MAML3: variants seen among roughly 807,000 people sequenced by gnomAD.
MAML3 encodes the protein mastermind like transcriptional coactivator 3, also known as mastermind-like protein 3.
Under a neutral mutation model 101.9 loss-of-function variants are expected in MAML3, and 27 were observed. The ratio of observed to expected loss-of-function variants is 0.27; its 90% CI spans 0.20 to 0.37. MAML3 has a LOEUF of 0.37. MAML3 is among the 10% of genes least tolerant of loss of function. The probability of loss-of-function intolerance (pLI) is 1.00; values close to 1 mark genes in which losing one functional copy is unlikely to be tolerated. For missense variants in MAML3, 1,316 were observed against 1,444.9 expected, an observed-to-expected ratio of 0.91 and a Z score of 1.45; for synonymous variants, 501 against 555.9, an observed-to-expected ratio of 0.90 and a Z score of 1.39.
At chr4:139,941,727 G>A (rs1010445262) in intron 1 of MAML3, among the ~76,000 whole-genome samples, 1 of 152,188 alleles carries the variant, frequency 6.6e-6, no homozygotes, top group African/African-American at 2.4e-5. Flanking sequence ...CTTGTTAGGA[G>A]CAAGACAGTG....
Position 140,153,191 on chromosome 4 carries a change from C to T in MAML3, c.137G>A (p.Ser46Asn), listed in dbSNP as rs763882800. 6.4e-7 allele frequency: 1 copy of T among 1,553,850 alleles called. No homozygotes were observed. ...TPNSTPAAPS[S>N]NHPAAGGCGG... The stretch of plus-strand genomic sequence containing the variant: ...GCATCCACCGGCTGCCGGGTGATTG[C>T]TACTCGGAGCAGCGGGAGTACTATT... Residue 46 changes from serine (S) to asparagine (N), a missense_variant, in exon 1 of 5, where the codon AGC (serine) becomes AAC (asparagine). Physicochemically the swap from Ser to Asn is conservative, Grantham distance 46. Transcript: ENST00000509479.
intron 2 of MAML3, among the ~76,000 whole-genome samples, chr4:139,870,423 A>G (rs1313997758): frequency 6.6e-6 from 1 of 152,220 alleles, no homozygotes; most frequent in Non-Finnish European, 1.5e-5. Context: ...GATCAATCCA[A>G]GTTCTAGCAG....
In MAML3 at chr4:140,063,442, G is replaced by A. The variant is rs751355373; in HGVS notation, c.468+89418C>T. Among the ~76,000 whole-genome samples, 3 of 152,176 alleles carry A rather than the reference G, an allele frequency of 2.0e-5. No individual in the cohort carries two copies. In the South Asian group the frequency reaches 6.2e-4, roughly 31 times the overall value. ...CATTCTGTCTGGAAAGCCAAAGCCT[G>A]CCAGTGTCCCTGGTAAGAGAGGTCC... is the stretch of plus-strand genomic sequence containing the variant. On this transcript the variant is annotated intron_variant, in intron 1 of 4. Transcript: ENST00000509479.
At chr4:139,816,876 C>T (rs925834936) in intron 2 of MAML3, among the ~76,000 whole-genome samples, 14 of 152,036 alleles carry the variant, frequency 9.2e-5, no homozygotes, top group African/African-American at 2.7e-4. Context: ...CATAGCCACA[C>T]GGAGGGAATA....
chr4:140,152,032 C>T (rs1729180848), intron 1 of MAML3, among the ~76,000 whole-genome samples: 1 of 152,208 alleles, frequency 6.6e-6, no homozygotes, highest in Admixed American at 6.5e-5. Context: ...GAATCCCAAG[C>T]GAAGTTGTGT....
At chr4:139,760,924 G>C (rs576112511) in intron 2 of MAML3, among the ~76,000 whole-genome samples, 2 of 152,128 alleles carry the variant, frequency 1.3e-5, no homozygotes, top group Admixed American at 6.5e-5. Flanking sequence ...GAGTCAAATT[G>C]CTCTGTTGTT....
At chr4:139,804,620 C>A (rs1730673161) in intron 2 of MAML3, among the ~76,000 whole-genome samples, 1 of 152,094 alleles carries the variant, frequency 6.6e-6, no homozygotes, top group Non-Finnish European at 1.5e-5. Flanking sequence ...ATGGCTTGGG[C>A]TAGTTGATTT....
chr4:139,891,662 C>A (rs558891571), intron 1 of MAML3, among the ~76,000 whole-genome samples: 75 of 152,210 alleles, frequency 4.9e-4, no homozygotes, highest in Non-Finnish European at 8.2e-4. Context: ...TAAATGAGAA[C>A]ATCAAGGAAT....
chr4:140,004,190 T>C (rs1002270168), intron 1 of MAML3, among the ~76,000 whole-genome samples: 1 of 152,228 alleles, frequency 6.6e-6, no homozygotes. Flanking sequence ...CTTTGTCTCA[T>C]ATTAACAATG....
intron 2 of MAML3, among the ~76,000 whole-genome samples, chr4:139,821,315 C>T (rs970403226): frequency 1.3e-5 from 2 of 152,134 alleles, no homozygotes; most frequent in Non-Finnish European, 2.9e-5. Flanking sequence ...GTGAGCATTA[C>T]CCCCTAAGCT....
At chr4:139,755,342 C>T (rs1292680157) in intron 2 of MAML3, among the ~76,000 whole-genome samples, 1 of 152,224 alleles carries the variant, frequency 6.6e-6, no homozygotes, top group African/African-American at 2.4e-5. Flanking sequence ...GTGGCTCACG[C>T]CTGTAATCCC....
At chr4:140,090,311 G>C (rs1162317205) in intron 1 of MAML3, among the ~76,000 whole-genome samples, 1 of 152,178 alleles carries the variant, frequency 6.6e-6, no homozygotes, top group Non-Finnish European at 1.5e-5. Context: ...GGCTGCCCAG[G>C]ACCTGTGTGG....
At chr4:140,143,434 A>G (rs913512399) in intron 1 of MAML3, among the ~76,000 whole-genome samples, 1 of 152,214 alleles carries the variant, frequency 6.6e-6, no homozygotes. Flanking sequence ...TTTTACGTAT[A>G]CTAACTCATT....
intron 1 of MAML3, among the ~76,000 whole-genome samples, chr4:140,048,091 G>A (rs140006402): frequency 5.5e-4 from 84 of 152,200 alleles, no homozygotes; most frequent in Non-Finnish European, 1.0e-3. Context: ...TAGTGTAAAC[G>A]CTGGGAAAAA....
At chr4:140,115,416 A>G (rs1379698758) in intron 1 of MAML3, among the ~76,000 whole-genome samples, 3 of 152,262 alleles carry the variant, frequency 2.0e-5, no homozygotes, top group African/African-American at 7.2e-5. Flanking sequence ...CAAATGAAAT[A>G]TGCAAAGCCA....
intron 2 of MAML3, among the ~76,000 whole-genome samples, chr4:139,799,334 T>A (rs1275074313): frequency 6.6e-6 from 1 of 152,216 alleles, no homozygotes; most frequent in Non-Finnish European, 1.5e-5. Context: ...AAGAAAAATA[T>A]CCTGACACTA....
At position 139,890,618 on chromosome 4, in the gene MAML3, T is replaced by A; in HGVS notation, c.818A>T (p.Asp273Val). 6.2e-7 allele frequency: 1 copy of A among 1,613,978 alleles called. No individual in the cohort carries two copies. ...EDSFTILQSK[D>V]LKQEPLDDPT... Reference sequence around the variant, plus strand: ...GTCATCGAGAGGTTCTTGTTTGAGGTCTTTGCTCTGCAAGATGGTGAAGCT... The same window carrying A: ...GTCATCGAGAGGTTCTTGTTTGAGGACTTTGCTCTGCAAGATGGTGAAGCT... Residue 273 changes from aspartate to valine, a missense_variant, in exon 2 of 5, where the codon GAC becomes GTC. By Grantham distance (152) the Asp-to-Val change is radical (BLOSUM62 -3). Transcript: ENST00000509479. The surrounding 1 kb of genome is among the most constrained non-coding windows in gnomAD (Gnocchi z 4.1).
At chr4:140,057,218 A>G (rs998795223) in intron 1 of MAML3, among the ~76,000 whole-genome samples, 5 of 152,192 alleles carry the variant, frequency 3.3e-5, no homozygotes, top group East Asian at 1.9e-4. Flanking sequence ...CAAGGCTGCA[A>G]TGAGCTATGA....
chr4:140,123,108 T>TTG (rs1553977992), intron 1 of MAML3, among the ~76,000 whole-genome samples: 1 of 149,748 alleles, frequency 6.7e-6, no homozygotes, highest in South Asian at 2.1e-4. Context: ...TTTTTTTTTT[T>TTG]GCTCTGTAGC....
Sources: allele counts gnomAD v4.1 joint callset (sites outside exome capture counted in the v4.1 genomes callset), GRCh38; gene constraint gnomAD v4.1.1; non-coding constraint Gnocchi (gnomAD v3.1); transcripts MANE v1.5; gene names NCBI Gene and HGNC (gene_info 2026-07-23, HGNC 2026-07-21).